ITIH5: variants seen among roughly 807,000 people sequenced by gnomAD.
The protein encoded by ITIH5 is inter-alpha-trypsin inhibitor heavy chain H5.
A neutral mutation model predicts 77.5 loss-of-function variants in ITIH5; 65 were observed. That is an observed-to-expected ratio of 0.84 (90% CI 0.69 to 1.03). ITIH5 has a LOEUF of 1.03. ITIH5 is among the 50% of genes least tolerant of loss of function. The pLI, the probability that ITIH5 is intolerant of heterozygous loss-of-function variation, is 0.00. For missense variants in ITIH5, 1,208 were observed against 1,213.1 expected (o/e 1.00, Z 0.06); for synonymous variants, 525 against 494.3 (o/e 1.06, Z -0.82).
intron 6 of ITIH5, 50 bp from the exon 7 acceptor site, chr10:7,616,148 A>C (rs1487595440): frequency 9.6e-7 from 1 of 1,038,250 alleles, no homozygotes; most frequent in East Asian, 2.4e-5. Flanking sequence ...AGCGGGGAGC[A>C]AAAATACCTG....
At chr10:7,622,425 G>A (rs543360141) in intron 5 of ITIH5, 5 of 152,034 alleles carry the variant, frequency 3.3e-5, no homozygotes, top group South Asian at 2.1e-4. Context: ...AAGGTACCCC[G>A]TGTGGTGCCT....
chr10:7,591,358 G>A (rs899293225), intron 7 of ITIH5, among the ~76,000 whole-genome samples: 1 of 152,064 alleles, frequency 6.6e-6, no homozygotes, highest in African/African-American at 2.4e-5. Flanking sequence ...ACTTCCTGTG[G>A]TGGCACCAGG....
chr10:7,563,259 G>A lies in ITIH5; in HGVS notation c.2653C>T (p.Gln885Ter). ...PEAVLTVKGH[Q>*]VPVVWKQRKI... ...CTTTGCTTCCAGACCACTGGGACTT[G>A]GTGGCCTTTCACTGTTAGGACGGCC... The change falls in exon 14 of 14, where the codon CAA becomes TAA. Residue 885 changes from glutamine (Q) to a stop codon, truncating the protein, a stop_gained. Coordinates refer to ENST00000397146, the MANE Select transcript of ITIH5 (RefSeq NM_030569.7). LOFTEE classifies it low-confidence loss of function (END_TRUNC). 6.2e-7 allele frequency: 1 copy of A among 1,614,210 alleles called. No homozygotes were observed. The highest frequency in any genetic ancestry group is 8.5e-7 in the Non-Finnish European group (1 of 1,180,038).
At position 7,609,543 on chromosome 10, in the gene ITIH5, C is replaced by T. The variant is rs114028219; in HGVS notation, c.939+6439G>A. On this transcript the variant is annotated intron_variant, in intron 7 of 13. Coordinates refer to ENST00000397146, the MANE Select transcript of ITIH5 (RefSeq NM_030569.7). Reference sequence around the variant, plus strand: ...AGTGAACCAAAATCGACATGCAGATCCCAGTCCTCCTACTCGTTAATTCAC... The same window carrying T: ...AGTGAACCAAAATCGACATGCAGATTCCAGTCCTCCTACTCGTTAATTCAC... 6.4e-3 allele frequency: 2,889 copies of T among 449,492 alleles called. 73 individuals are homozygous for T. The highest frequency in any genetic ancestry group is 0.053 in the African/African-American group (2,644 of 49,936). The allele number at this position is 449,492 out of a possible 1,614,324, so 27.8% of individuals were successfully genotyped here. A position where few individuals can be genotyped will look rare whatever the true frequency, so the allele number is the denominator to read the frequency against.
chr10:7,651,677 C>G (rs1401982822), intron 2 of ITIH5, among the ~76,000 whole-genome samples: 1 of 151,962 alleles, frequency 6.6e-6, no homozygotes, highest in East Asian at 1.9e-4. Context: ...CTCCCCCTAC[C>G]CTAAATCTCC....
intron 11 of ITIH5, chr10:7,571,534 A>C (rs1832298098): frequency 6.6e-6 from 1 of 152,192 alleles, no homozygotes; most frequent in Non-Finnish European, 1.5e-5. Flanking sequence ...CTCCTGCCTC[A>C]GCCTCCCGAA....
At chr10:7,573,978 C>T (rs1278311407) in intron 10 of ITIH5, among the ~76,000 whole-genome samples, 1 of 151,974 alleles carries the variant, frequency 6.6e-6, no homozygotes, top group African/African-American at 2.4e-5. Flanking sequence ...GAACTGTACG[C>T]TTAAAAATGG....
intron 2 of ITIH5, among the ~76,000 whole-genome samples, chr10:7,649,629 T>A (rs58808519): frequency 6.6e-6 from 1 of 151,984 alleles, no homozygotes; most frequent in East Asian, 1.9e-4. Context: ...AGTAAGAAAA[T>A]GTTTTAAAAC....
intron 7 of ITIH5, chr10:7,600,452 C>G: frequency 2.2e-6 from 1 of 447,960 alleles, no homozygotes; most frequent in South Asian, 1.6e-5. Context: ...CTTCAGCCCA[C>G]TGCTGCCATC....
chr10:7,649,213 C>CCTT (rs61488265), intron 2 of ITIH5, among the ~76,000 whole-genome samples: 21,222 of 151,780 alleles, frequency 0.14, 1,717 homozygotes, highest in East Asian at 0.28. Context: ...TCCTTCTTCT[C>CCTT]CTCTTTCTTC....
intron 7 of ITIH5, among the ~76,000 whole-genome samples, chr10:7,586,440 T>C (rs1832682051): frequency 6.6e-6 from 1 of 152,214 alleles, no homozygotes; most frequent in Non-Finnish European, 1.5e-5. Flanking sequence ...GCAAATTCTC[T>C]GTTGGAAATT....
chr10:7,619,866 C>T (rs1204077032), intron 5 of ITIH5: 1 of 154,996 alleles, frequency 6.5e-6, no homozygotes, highest in Non-Finnish European at 1.4e-5. Flanking sequence ...TATCAATTTC[C>T]AACCTTAACT....
In ITIH5 at chr10:7,629,305, A is replaced by C. The variant is rs111452672; in HGVS notation, c.652+7923T>G. Among the ~76,000 whole-genome samples the C allele has an allele frequency of 2.4e-3, 156 of 64,616 alleles. 4 individuals are homozygous for C. Among genetic ancestry groups the C allele is most frequent in the African/African-American group, 0.01 (139 of 13,584 alleles). 42.4% of individuals were successfully genotyped at this position (64,616 alleles called of 152,430 possible). ...TGTGTCCCTGTTGTAGCGTGTGTCC[A>C]TGTTGTAGCGTGTGCCCATGTTGTA... On this transcript the variant is annotated intron_variant, in intron 5 of 13. Coordinates refer to ENST00000397146, the MANE Select transcript of ITIH5 (RefSeq NM_030569.7).
At chr10:7,597,557 G>A (rs1371842978) in intron 7 of ITIH5, among the ~76,000 whole-genome samples, 1 of 139,974 alleles carries the variant, frequency 7.1e-6, no homozygotes, top group South Asian at 2.3e-4. Context: ...TCACCTTGGA[G>A]TCACCCCCTC....
At chr10:7,654,292 C>A (rs1471387642) in intron 2 of ITIH5, among the ~76,000 whole-genome samples, 1 of 152,204 alleles carries the variant, frequency 6.6e-6, no homozygotes, top group Non-Finnish European at 1.5e-5. Context: ...TCTCAATTAT[C>A]AGTATGCTTA....
At chr10:7,656,348 G>A (rs973726030) in intron 1 of ITIH5, among the ~76,000 whole-genome samples, 1 of 152,130 alleles carries the variant, frequency 6.6e-6, no homozygotes, top group African/African-American at 2.4e-5. Flanking sequence ...CCAAGCAGCT[G>A]GGACTACAGG....
intron 11 of ITIH5, 63 bp downstream of exon 11, chr10:7,573,079 G>A: frequency 6.7e-7 from 1 of 1,501,160 alleles, no homozygotes; most frequent in Non-Finnish European, 9.3e-7. Flanking sequence ...CACCTGGCCT[G>A]GTTTTACACT....
At position 7,619,613 on chromosome 10, in the gene ITIH5, T is replaced by C. The variant is rs561852778; in HGVS notation, c.653-2331A>G. On this transcript the variant is annotated intron_variant, in intron 5 of 13. Coordinates refer to ENST00000397146, the MANE Select transcript of ITIH5 (RefSeq NM_030569.7). ...CATGGCTGGGGAAGCCTCGGGAAACTTACAATCACGCAGAAGGCAAACGCA... is the reference window on the plus strand; with the variant it reads ...CATGGCTGGGGAAGCCTCGGGAAACCTACAATCACGCAGAAGGCAAACGCA... 7.4e-5 allele frequency: 29 copies of C among 394,422 alleles called. No homozygotes were observed. The East Asian group carries it at 2.1e-3, about 28-fold the overall frequency. The allele number at this position is 394,422 out of a possible 1,614,324, so 24.4% of individuals were successfully genotyped here.
chr10:7,605,256 C>T (rs1833100025), intron 7 of ITIH5, among the ~76,000 whole-genome samples: 1 of 151,522 alleles, frequency 6.6e-6, no homozygotes, highest in South Asian at 2.1e-4. Context: ...CTGCTTGGAT[C>T]CAATCCCCCT....
Sources: gnomAD v4.1 joint callset for allele counts (sites outside exome capture counted in the v4.1 genomes callset) on GRCh38, gnomAD v4.1.1 for gene constraint, MANE v1.5 for transcripts, NCBI Gene and HGNC (gene_info 2026-07-23, HGNC 2026-07-21) for gene names.